Variants in BDH1 observed in about 807,000 individuals in gnomAD.
BDH1 encodes 3-hydroxybutyrate dehydrogenase 1.
A neutral mutation model predicts 33.1 loss-of-function variants in BDH1; 30 were observed. The observed-to-expected ratio is 0.91, with a 90% CI of 0.68 to 1.23. The LOEUF (loss-of-function observed/expected upper bound fraction) is 1.23, where lower values mean the gene tolerates loss of function less well. Ranked by LOEUF, BDH1 falls within the 50% of genes most tolerant of loss-of-function variation. BDH1 has a pLI of 0.00. For missense variants in BDH1, 443 were observed against 464.4 expected, an observed-to-expected ratio of 0.95 and a Z score of 0.42; for synonymous variants, 190 against 183.6, an observed-to-expected ratio of 1.03 and a Z score of -0.28.
intron 6 of BDH1, among the ~76,000 whole-genome samples, chr3:197,517,763 T>C (rs71617372): frequency 6.9e-4 from 4 of 5,810 alleles, no homozygotes; most frequent in Non-Finnish European, 1.2e-3. Flanking sequence ...TCCATCCCCC[T>C]TCAGGCCGAC....
chr3:197,536,937 C>T (rs1327814460), intron 3 of BDH1, among the ~76,000 whole-genome samples: 5 of 152,182 alleles, frequency 3.3e-5, no homozygotes, highest in Non-Finnish European at 5.9e-5. Context: ...CTATTTCTCT[C>T]TTTTTTTGAG....
intron 7 of BDH1, 106 bp from the exon 8 acceptor site, chr3:197,512,470 A>G: frequency 1.6e-6 from 2 of 1,227,908 alleles, no homozygotes. Flanking sequence ...CTTCTGAGCC[A>G]CCCAGGAGCC....
intron 3 of BDH1, among the ~76,000 whole-genome samples, chr3:197,536,802 C>G (rs1715196439): frequency 6.6e-6 from 1 of 152,172 alleles, no homozygotes; most frequent in South Asian, 2.1e-4. Context: ...GAGATCGCAC[C>G]ATTGCACTGC....
intron 7 of BDH1, 36 bp from the exon 8 acceptor site, chr3:197,512,400 A>G: frequency 6.4e-7 from 1 of 1,567,598 alleles, no homozygotes. Flanking sequence ...CTAAGCCGTT[A>G]CTGCCCTATG....
rs570406229 is a variant in BDH1 at position 197,526,991 on chromosome 3, G to T, written c.268-4210C>A. 3.9e-5 allele frequency among the ~76,000 whole-genome samples: 6 copies of T among 152,324 alleles called. No individual in the cohort carries two copies. The East Asian group carries it at 1.2e-3, about 29-fold the overall frequency. The stretch of plus-strand genomic sequence containing the variant: ...ATCAGCACACTAACAACTCTTTCCA[G>T]TCGCTCAACCTCTTCTATTTCCATT... On this transcript the variant is annotated intron_variant, in intron 5 of 7. Transcript: ENST00000392379. The surrounding 1 kb of genome is among the most constrained non-coding windows in gnomAD (Gnocchi z 4.7).
intron 3 of BDH1, chr3:197,538,620 G>A (rs1715350904): frequency 7.4e-6 from 2 of 271,678 alleles, no homozygotes; most frequent in Non-Finnish European, 1.5e-5. Context: ...CCAAAGTACT[G>A]GGATCACAGG....
intron 2 of BDH1, among the ~76,000 whole-genome samples, chr3:197,551,546 A>G (rs528902283): frequency 5.9e-5 from 9 of 152,314 alleles, no homozygotes; most frequent in Admixed American, 3.9e-4. Flanking sequence ...GAGTGCAGAT[A>G]TCTCTTCAAT....
Position 197,528,301 on chromosome 3 carries a change from T to TGA in BDH1, c.267+4109_267+4110dup, listed in dbSNP as rs778246735. 1.5e-5 allele frequency: 2 copies of TGA among 136,698 alleles called. No homozygotes were observed. Among genetic ancestry groups the TGA allele is most frequent in the Admixed American group, 1.4e-4 (2 of 13,946 alleles). The allele number at this position is 136,698 out of a possible 1,614,324, so 8.5% of individuals were successfully genotyped here. A position where few individuals can be genotyped will look rare whatever the true frequency, so the allele number is the denominator to read the frequency against. ...GTGTAGGTCTGTATGAGTGAGTGAG[T>TGA]GAGTGTGTGTGTGTGTGTGTGTGTG... On this transcript the variant is annotated intron_variant, in intron 5 of 7. Transcript: ENST00000392379. The surrounding 1 kb of genome is among the most constrained non-coding windows in gnomAD (Gnocchi z 5.1).
chr3:197,571,510 T>C (rs1031693686), intron 1 of BDH1, among the ~76,000 whole-genome samples: 16 of 152,102 alleles, frequency 1.1e-4, no homozygotes, highest in African/African-American at 3.9e-4. Flanking sequence ...TTGAGGTGGT[T>C]CCCCCCGTAG....
chr3:197,535,859 A>C (rs1215407614), intron 3 of BDH1, among the ~76,000 whole-genome samples: 1 of 152,096 alleles, frequency 6.6e-6, no homozygotes, highest in African/African-American at 2.4e-5. Flanking sequence ...AGCCCGGGCA[A>C]CATGGCGAAA....
In BDH1 at chr3:197,520,970, G is replaced by A. The variant is rs1330003856; in HGVS notation, c.409+1670C>T. Among the ~76,000 whole-genome samples, 1 of 152,124 alleles carries A rather than the reference G, an allele frequency of 6.6e-6. No individual in the cohort carries two copies. The highest frequency in any genetic ancestry group is 2.4e-5 in the African/African-American group (1 of 41,430). On this transcript the variant is annotated intron_variant, in intron 6 of 7. Coordinates refer to ENST00000392379, the MANE Select transcript of BDH1 (RefSeq NM_203314.3). This position sits in a 1 kb window ranked among gnomAD's most constrained non-coding sequence, Gnocchi z 6.0. ...TGAGGTGGCACATCAGAGACAGGCA[G>A]AGGAGCGGCATCACCGACAGCCACA...
intron 2 of BDH1, among the ~76,000 whole-genome samples, chr3:197,548,575 G>A (rs572521444): frequency 6.6e-6 from 1 of 152,066 alleles, no homozygotes; most frequent in South Asian, 2.1e-4. Flanking sequence ...CCTTGGCCAG[G>A]CGTGGTGGCT....
Position 197,512,222 on chromosome 3 carries a change from C to T in BDH1, c.705G>A (p.Val235=). The change falls in exon 8 of 8, where the codon GTG becomes GTA. Residue 235 remains valine, a synonymous_variant. Transcript: ENST00000392379. ...EMYPLGVKVS[V]VEPGNFIAAT... The stretch of plus-strand genomic sequence containing the variant: ...CAGCGATGAAGTTGCCGGGCTCCAC[C>T]ACGCTGACCTTCACGCCCAGGGGGT... 6.2e-7 allele frequency: 1 copy of T among 1,613,868 alleles called. No homozygotes were observed. The highest frequency in any genetic ancestry group is 8.5e-7 in the Non-Finnish European group (1 of 1,180,028).
Position 197,522,900 on chromosome 3 carries a change from G to A in BDH1, c.268-119C>T. ...CCCAGCCAAAGCCTCAGGCATACTG[G>A]CAACTGCCCATGGGCCTGGCCCACC... On this transcript the variant is annotated intron_variant, in intron 5 of 7. Coordinates refer to ENST00000392379, the MANE Select transcript of BDH1 (RefSeq NM_203314.3). The surrounding 1 kb of genome is among the most constrained non-coding windows in gnomAD (Gnocchi z 4.8). 1.6e-6 allele frequency: 2 copies of A among 1,265,292 alleles called. No homozygotes were observed. Among genetic ancestry groups the A allele is most frequent in the Non-Finnish European group, 2.2e-6 (2 of 917,768 alleles). The allele number at this position is 1,265,292 out of a possible 1,614,324, so 78.4% of individuals were successfully genotyped here.
chr3:197,528,304 G>A lies in BDH1; in HGVS notation c.267+4108C>T, dbSNP rs932055915. The A allele has an allele frequency of 2.8e-5, 3 of 105,472 alleles. No homozygotes were observed. Among genetic ancestry groups the A allele is most frequent in the South Asian group, 5.3e-4 (2 of 3,764 alleles). 6.5% of individuals were successfully genotyped at this position (105,472 alleles called of 1,614,324 possible). A position where few individuals can be genotyped will look rare whatever the true frequency, so the allele number is the denominator to read the frequency against. On this transcript the variant is annotated intron_variant, in intron 5 of 7. Coordinates refer to ENST00000392379, the MANE Select transcript of BDH1 (RefSeq NM_203314.3). This position sits in a 1 kb window ranked among gnomAD's most constrained non-coding sequence, Gnocchi z 5.1. ...TAGGTCTGTATGAGTGAGTGAGTGA[G>A]TGTGTGTGTGTGTGTGTGTGTGTGT...
intron 3 of BDH1, among the ~76,000 whole-genome samples, chr3:197,545,452 G>A (rs557959035): frequency 3.3e-5 from 5 of 152,354 alleles, no homozygotes; most frequent in Admixed American, 1.3e-4. Context: ...CTTCACTGCC[G>A]CAGGCGTCTT....
chr3:197,527,632 C>T (rs534645507), intron 5 of BDH1, among the ~76,000 whole-genome samples: 1 of 152,268 alleles, frequency 6.6e-6, no homozygotes, highest in East Asian at 1.9e-4. Flanking sequence ...TCACTCTACT[C>T]CCCCCTCATT....
rs371408136 is a variant in BDH1, at chr3:197,511,912, T to C, written c.1015A>G (p.Met339Val). 1.4e-5 allele frequency: 22 copies of C among 1,564,734 alleles called. No individual in the cohort carries two copies. Among genetic ancestry groups the C allele is most frequent in the African/African-American group, 9.4e-5 (7 of 74,216 alleles). The change falls in exon 8 of 8, where the codon ATG becomes GTG. Residue 339 changes from methionine to valine, a missense_variant. Met to Val is a conservative substitution (Grantham distance 21, BLOSUM62 1). Coordinates refer to ENST00000392379, the MANE Select transcript of BDH1 (RefSeq NM_203314.3). ...GAGACTCTTCAGCGGATGTAGATCATGTCGGAGATGGCTCCAGGCAAGTGG... is the reference window on the plus strand; with the variant it reads ...GAGACTCTTCAGCGGATGTAGATCACGTCGGAGATGGCTCCAGGCAAGTGG... Reference protein sequence around the residue: ...MTHLPGAISDMIYIR With the variant: ...MTHLPGAISDVIYIR
chr3:197,526,971 C>T lies in BDH1; in HGVS notation c.268-4190G>A, dbSNP rs1317458343. Reference sequence around the variant, plus strand: ...CTTGCCATCAGAGGGAAAATATCAGCACACTAACAACTCTTTCCAGTCGCT... The same window carrying T: ...CTTGCCATCAGAGGGAAAATATCAGTACACTAACAACTCTTTCCAGTCGCT... On this transcript the variant is annotated intron_variant, in intron 5 of 7. Transcript: ENST00000392379. The surrounding 1 kb of genome is among the most constrained non-coding windows in gnomAD (Gnocchi z 4.7). 1.3e-5 allele frequency among the ~76,000 whole-genome samples: 2 copies of T among 152,190 alleles called. No homozygotes were observed. The highest frequency in any genetic ancestry group is 2.9e-5 in the Non-Finnish European group (2 of 68,024).
Sources: gnomAD v4.1 joint callset for allele counts (sites outside exome capture counted in the v4.1 genomes callset) on GRCh38, gnomAD v4.1.1 for gene constraint, Gnocchi (gnomAD v3.1) non-coding constraint, MANE v1.5 for transcripts, NCBI Gene and HGNC (gene_info 2026-07-23, HGNC 2026-07-21) for gene names.